Variants in KCNH7 observed in about 807,000 individuals in gnomAD.
KCNH7 encodes voltage-gated inwardly rectifying potassium channel KCNH7.
Under a neutral mutation model 120.8 loss-of-function variants are expected in KCNH7, and 49 were observed. The ratio of observed to expected loss-of-function variants is 0.41; its 90% CI spans 0.32 to 0.51. KCNH7 has a LOEUF of 0.51. Among genes scored for constraint, KCNH7 ranks in the 20% least tolerant of loss-of-function variants. KCNH7 has a pLI of 0.38. For synonymous variants in KCNH7, 547 were observed against 516.1 expected (o/e 1.06, Z -0.81); for missense variants, 1,097 against 1,446.6 (o/e 0.76, Z 3.92).
intron 7 of KCNH7, among the ~76,000 whole-genome samples, chr2:162,436,368 G>C (rs1180135156): frequency 6.6e-6 from 1 of 152,044 alleles, no homozygotes. Flanking sequence ...GCTAAATTGA[G>C]AAATTATTTC....
chr2:162,435,729 T>C (rs1688211970), intron 7 of KCNH7, 132 bp from the exon 8 acceptor site: 3 of 864,900 alleles, frequency 3.5e-6, no homozygotes, highest in Admixed American at 6.2e-5. Context: ...TTAAATTCAG[T>C]ATTAAACTTG....
At chr2:162,727,569 TA>T (rs1446968776) in intron 2 of KCNH7, among the ~76,000 whole-genome samples, 5 of 152,172 alleles carry the variant, frequency 3.3e-5, no homozygotes, top group Admixed American at 3.3e-4. Context: ...TCCATATACA[TA>T]GAATACTACT....
intron 5 of KCNH7, among the ~76,000 whole-genome samples, chr2:162,508,418 T>C (rs1419871928): frequency 6.6e-6 from 1 of 151,438 alleles, no homozygotes; most frequent in Middle Eastern, 3.2e-3. Context: ...AAATATTACT[T>C]AAAATAACTT....
At chr2:162,769,153 C>T (rs906221821) in intron 2 of KCNH7, among the ~76,000 whole-genome samples, 1 of 152,042 alleles carries the variant, frequency 6.6e-6, no homozygotes, top group Non-Finnish European at 1.5e-5. Flanking sequence ...AAGAAAAGAC[C>T]AAGGTATTCT....
chr2:162,373,219 T>A (rs1020856201), intron 15 of KCNH7, among the ~76,000 whole-genome samples: 7 of 151,988 alleles, frequency 4.6e-5, no homozygotes, highest in South Asian at 2.1e-4. Flanking sequence ...GTTTTCCTTT[T>A]AAAAAAAATG....
At chr2:162,755,893 AC>A (rs1320595153) in intron 2 of KCNH7, among the ~76,000 whole-genome samples, 2 of 152,164 alleles carry the variant, frequency 1.3e-5, no homozygotes, top group African/African-American at 4.8e-5. Context: ...TGTATACTCA[AC>A]CAGAGTGATA....
chr2:162,684,287 G>A (rs1327577508), intron 2 of KCNH7, among the ~76,000 whole-genome samples: 3 of 152,030 alleles, frequency 2.0e-5, no homozygotes, highest in Admixed American at 6.6e-5. Context: ...ATACAGGCAT[G>A]GGCAAAGTCT....
chr2:162,463,609 C>A (rs1386411005), intron 6 of KCNH7, among the ~76,000 whole-genome samples: 1 of 151,706 alleles, frequency 6.6e-6, no homozygotes, highest in East Asian at 1.9e-4. Context: ...TAAAATGTGA[C>A]CCACATGGTC....
In KCNH7 at chr2:162,731,388, A is replaced by G. The variant is rs931541137; in HGVS notation, c.307+105149T>C. Among the ~76,000 whole-genome samples the G allele has an allele frequency of 3.3e-5, 5 of 151,444 alleles. No homozygotes were observed. The East Asian group carries it at 9.6e-4, about 29-fold the overall frequency. On this transcript the variant is annotated intron_variant, in intron 2 of 15. Coordinates refer to ENST00000332142, the MANE Select transcript of KCNH7 (RefSeq NM_033272.4). ...ATAACTTTGTTTGAAATATTGAACT[A>G]AAAGAAAATAAAAGGTAAAAAAGAA... is the stretch of plus-strand genomic sequence containing the variant.
chr2:162,372,119 GT>G (rs768108406), intron 15 of KCNH7, 24 bp from the exon 16 acceptor site: 324 of 1,572,946 alleles, frequency 2.1e-4, no homozygotes, highest in Non-Finnish European at 2.7e-4. Flanking sequence ...AACAAAACAA[GT>G]TTTTATAATT....
chr2:162,766,892 CACACACACACACATAA>C (rs1363957572), intron 2 of KCNH7, among the ~76,000 whole-genome samples: 12 of 149,398 alleles, frequency 8.0e-5, no homozygotes, highest in African/African-American at 2.8e-4. Context: ...CACACACACA[CACACACACACACATAA>C]ACACACATCA....
intron 2 of KCNH7, among the ~76,000 whole-genome samples, chr2:162,698,135 T>C (rs1686359964): frequency 6.6e-6 from 1 of 152,202 alleles, no homozygotes; most frequent in Non-Finnish European, 1.5e-5. Context: ...TTGAGTCTGC[T>C]ATTCTCCTGT....
chr2:162,572,055 T>A (rs2105900514), intron 2 of KCNH7, among the ~76,000 whole-genome samples: 1 of 151,938 alleles, frequency 6.6e-6, no homozygotes, highest in Non-Finnish European at 1.5e-5. Context: ...TGGGATCTAA[T>A]TAAAGTAAAG....
At chr2:162,745,663 G>A (rs1688290592) in intron 2 of KCNH7, among the ~76,000 whole-genome samples, 1 of 151,936 alleles carries the variant, frequency 6.6e-6, no homozygotes. Flanking sequence ...AAATATAGTA[G>A]TATAAAATAT....
chr2:162,634,134 G>A (rs1042329852), intron 2 of KCNH7, among the ~76,000 whole-genome samples: 3 of 151,968 alleles, frequency 2.0e-5, no homozygotes, highest in African/African-American at 4.8e-5. Context: ...GTTACTCATC[G>A]CTGTGTACTA....
At chr2:162,645,767 C>T (rs1050880593) in intron 2 of KCNH7, among the ~76,000 whole-genome samples, 1 of 152,136 alleles carries the variant, frequency 6.6e-6, no homozygotes, top group East Asian at 1.9e-4. Flanking sequence ...GTATCCATTT[C>T]CTCCAGCTCT....
At position 162,659,269 on chromosome 2, in the gene KCNH7, T is replaced by G. The variant is rs369406543; in HGVS notation, c.308-122189A>C. Reference sequence around the variant, plus strand: ...TTGTTGATGTGATGGATTCCATTAATTGATTTTCAAATGTTAAAGTAGCCT... The same window carrying G: ...TTGTTGATGTGATGGATTCCATTAAGTGATTTTCAAATGTTAAAGTAGCCT... On this transcript the variant is annotated intron_variant, in intron 2 of 15. Coordinates refer to ENST00000332142, the MANE Select transcript of KCNH7 (RefSeq NM_033272.4). Among the ~76,000 whole-genome samples, 24 of 152,342 alleles carry G rather than the reference T, an allele frequency of 1.6e-4. 1 individual carries two copies. The highest frequency in any genetic ancestry group is 5.5e-4 in the African/African-American group (23 of 41,580).
intron 2 of KCNH7, among the ~76,000 whole-genome samples, chr2:162,743,324 G>A (rs1262589728): frequency 6.6e-6 from 1 of 151,952 alleles, no homozygotes; most frequent in Admixed American, 6.6e-5. Flanking sequence ...GCTTCAGAAA[G>A]AGCAATTTCT....
intron 8 of KCNH7, among the ~76,000 whole-genome samples, chr2:162,429,477 T>C (rs1687997229): frequency 6.6e-6 from 1 of 150,552 alleles, no homozygotes; most frequent in South Asian, 2.1e-4. Flanking sequence ...TATAATTTTC[T>C]TTAACCTGAA....
Sources: gnomAD v4.1 joint callset for allele counts (sites outside exome capture counted in the v4.1 genomes callset) on GRCh38, gnomAD v4.1.1 for gene constraint, MANE v1.5 for transcripts, NCBI Gene and HGNC (gene_info 2026-07-23, HGNC 2026-07-21) for gene names.